Variants in SYT16 observed in about 807,000 individuals in gnomAD.
SYT16 encodes the protein synaptotagmin-16.
In SYT16, 42 loss-of-function variants were observed where a neutral mutation model predicts 61.4. The ratio of observed to expected loss-of-function variants is 0.68; its 90% confidence interval spans 0.53 to 0.89. SYT16 has a LOEUF of 0.89. Among genes scored for constraint, SYT16 ranks in the 40% least tolerant of loss-of-function variants. The probability of loss-of-function intolerance (pLI) is 0.00; values close to 1 mark genes in which losing one functional copy is unlikely to be tolerated. For missense variants in SYT16, 804 were observed against 807.3 expected (o/e 1.00, Z 0.05); for synonymous variants, 314 against 302.3 (o/e 1.04, Z -0.40).
chr14:62,024,254 T>C (rs762785240), intron 3 of SYT16, among the ~76,000 whole-genome samples: 1 of 152,030 alleles, frequency 6.6e-6, no homozygotes, highest in Non-Finnish European at 1.5e-5. Flanking sequence ...TATTCAAACT[T>C]GATAAGTGAA....
intron 3 of SYT16, among the ~76,000 whole-genome samples, chr14:62,059,280 A>G (rs962349168): frequency 1.3e-5 from 2 of 152,138 alleles, no homozygotes; most frequent in African/African-American, 4.8e-5. Flanking sequence ...ATCTCATGTG[A>G]TTTTACTGTG....
chr14:61,889,074 C>T (rs2048024700), intron 1 of SYT16, among the ~76,000 whole-genome samples: 1 of 152,100 alleles, frequency 6.6e-6, no homozygotes, highest in South Asian at 2.1e-4. Flanking sequence ...GTTGGTAAGG[C>T]AGACTTTATT....
intron 7 of SYT16, among the ~76,000 whole-genome samples, chr14:62,095,751 G>T (rs994910720): frequency 6.6e-6 from 1 of 151,808 alleles, no homozygotes; most frequent in Admixed American, 6.6e-5. Flanking sequence ...GTTTTAGTTT[G>T]TTTTTTTATC....
intron 3 of SYT16, among the ~76,000 whole-genome samples, chr14:62,000,022 C>G (rs1162260463): frequency 6.8e-6 from 1 of 147,310 alleles, no homozygotes; most frequent in Non-Finnish European, 1.5e-5. Context: ...TATTCTGTTA[C>G]TGGAGAGAGT....
intron 1 of SYT16, among the ~76,000 whole-genome samples, chr14:61,956,215 T>C (rs1425068480): frequency 6.6e-6 from 1 of 152,040 alleles, no homozygotes; most frequent in Non-Finnish European, 1.5e-5. Flanking sequence ...TTATCAGATA[T>C]ATGGTCTGAA....
chr14:62,017,177 A>G (rs879776795), intron 3 of SYT16, among the ~76,000 whole-genome samples: 1 of 152,244 alleles, frequency 6.6e-6, no homozygotes, highest in Non-Finnish European at 1.5e-5. Flanking sequence ...GGTTTTATTA[A>G]TAATTCTTTA....
At chr14:61,988,440 G>A (rs1054069940) in intron 2 of SYT16, among the ~76,000 whole-genome samples, 3 of 152,072 alleles carry the variant, frequency 2.0e-5, no homozygotes, top group Admixed American at 6.5e-5. Context: ...TTAAATCTCT[G>A]CCTTGGATAG....
chr14:62,027,906 T>A (rs2054163403), intron 3 of SYT16, among the ~76,000 whole-genome samples: 1 of 152,216 alleles, frequency 6.6e-6, no homozygotes, highest in Non-Finnish European at 1.5e-5. Context: ...GAAATGTTGC[T>A]CATTTTTATT....
chr14:61,898,338 A>G (rs1286239941), intron 1 of SYT16, among the ~76,000 whole-genome samples: 1 of 152,188 alleles, frequency 6.6e-6, no homozygotes, highest in Non-Finnish European at 1.5e-5. Context: ...GAGGCATGCA[A>G]GAGAGACCTC....
intron 3 of SYT16, among the ~76,000 whole-genome samples, chr14:62,061,106 A>G (rs140794963): frequency 6.6e-6 from 1 of 152,260 alleles, no homozygotes; most frequent in Non-Finnish European, 1.5e-5. Context: ...GTTGCAAAGT[A>G]CAAATCATTG....
chr14:61,904,177 T>A (rs2140363851), intron 1 of SYT16, among the ~76,000 whole-genome samples: 1 of 152,322 alleles, frequency 6.6e-6, no homozygotes, highest in Non-Finnish European at 1.5e-5. Flanking sequence ...TTTCCCTGGG[T>A]CTCCCCATTC....
In SYT16 at chr14:62,108,460, T is replaced by G. The variant is rs559500556; in HGVS notation, c.*7753T>G. ...ATGTACATTAAAAGATATTTTCATG[T>G]AAGTTATTTTAAGATAGTTGCATTC... On this transcript the variant is annotated 3_prime_UTR_variant, in exon 8 of 8. Coordinates refer to ENST00000683842, the MANE Select transcript of SYT16 (RefSeq NM_001367656.1). The G allele has an allele frequency of 5.9e-5, 9 of 152,338 alleles. No individual in the cohort carries two copies. Among genetic ancestry groups the G allele is most frequent in the African/African-American group, 2.2e-4 (9 of 41,586 alleles). 9.4% of individuals were successfully genotyped at this position (152,338 alleles called of 1,614,324 possible).
chr14:62,079,469 A>G (rs957633215), intron 5 of SYT16: 36 of 595,868 alleles, frequency 6.0e-5, no homozygotes, highest in Non-Finnish European at 6.9e-5. Flanking sequence ...TAGAACATGG[A>G]AAGGATTAAA....
At chr14:61,812,531 G>C (rs1372812754), upstream of SYT16, among the ~76,000 whole-genome samples, 1 of 151,322 alleles carries the variant, frequency 6.6e-6, no homozygotes, top group Non-Finnish European at 1.5e-5. Context: ...GAGGCGAGGA[G>C]GGGGAGATCC....
At chr14:61,883,283 A>G (rs1321660182) in intron 1 of SYT16, among the ~76,000 whole-genome samples, 2 of 152,174 alleles carry the variant, frequency 1.3e-5, no homozygotes, top group East Asian at 1.9e-4. Flanking sequence ...TTTCTGTCAC[A>G]TCATTGGACT....
intron 2 of SYT16, among the ~76,000 whole-genome samples, chr14:61,973,748 TTAAGA>T (rs1012429379): frequency 2.0e-5 from 3 of 152,194 alleles, no homozygotes; most frequent in African/African-American, 7.2e-5. Context: ...GTCTATGCTT[TTAAGA>T]AAGCATAGAC....
intron 3 of SYT16, among the ~76,000 whole-genome samples, chr14:62,045,499 C>T (rs2211553): frequency 0.045 from 6,871 of 151,988 alleles, 507 homozygotes; most frequent in African/African-American, 0.16. Flanking sequence ...GTGTACACAA[C>T]GTGCAGGTTT....
intron 1 of SYT16, among the ~76,000 whole-genome samples, chr14:61,883,788 A>G (rs746333800): frequency 6.6e-6 from 1 of 152,202 alleles, no homozygotes; most frequent in Non-Finnish European, 1.5e-5. Flanking sequence ...AAGAGATTTA[A>G]CTGACTCACA....
rs541030567 is a variant in SYT16, at chr14:61,858,859, C to CTTT, written c.-325+46060_-325+46062dup. On this transcript the variant is annotated intron_variant, in intron 1 of 7. Transcript: ENST00000683842. Reference sequence around the variant, plus strand: ...TTTCTTTTTTCTTTTCTTTTCTTTTCTTTTTTTTTTTTTGAGACGGAGTCT... The same window carrying CTTT: ...TTTCTTTTTTCTTTTCTTTTCTTTTCTTTTTTTTTTTTTTTTGAGACGGAGTCT... 2.0e-4 allele frequency among the ~76,000 whole-genome samples: 28 copies of CTTT among 138,936 alleles called. 1 individual carries two copies. Among genetic ancestry groups the CTTT allele is most frequent in the African/African-American group, 7.1e-4 (26 of 36,606 alleles). 91.1% of individuals were successfully genotyped at this position (138,936 alleles called of 152,430 possible).
Sources: allele counts gnomAD v4.1 joint callset (sites outside exome capture counted in the v4.1 genomes callset), GRCh38; gene constraint gnomAD v4.1.1; transcripts MANE v1.5; gene names NCBI Gene and HGNC (gene_info 2026-07-23, HGNC 2026-07-21).